ACOXL: variants seen among roughly 807,000 people sequenced by gnomAD.
The protein encoded by ACOXL is acyl-coenzyme A oxidase-like protein.
A neutral mutation model predicts 71.9 loss-of-function variants in ACOXL; 70 were observed. The ratio of observed to expected loss-of-function variants is 0.97; its 90% CI spans 0.80 to 1.19. The LOEUF (loss-of-function observed/expected upper bound fraction) is 1.19, where lower values mean the gene tolerates loss of function less well. Among genes scored for constraint, ACOXL ranks in the 50% most tolerant of loss-of-function variants. ACOXL has a pLI of 0.00. For missense variants in ACOXL, 703 were observed against 736.3 expected (o/e 0.95, Z 0.52); for synonymous variants, 253 against 281.6 (o/e 0.90, Z 1.02).
chr2:110,993,114 G>C (rs984831785), intron 13 of ACOXL, among the ~76,000 whole-genome samples: 3 of 152,130 alleles, frequency 2.0e-5, no homozygotes, highest in Non-Finnish European at 4.4e-5. Flanking sequence ...TAGCATGAGC[G>C]TCATTAACTA....
At chr2:110,851,268 A>G (rs1428594504) in intron 10 of ACOXL, among the ~76,000 whole-genome samples, 1 of 152,202 alleles carries the variant, frequency 6.6e-6, no homozygotes, top group Non-Finnish European at 1.5e-5. Context: ...AATTATGCTC[A>G]GTGAACTTGA....
At chr2:110,906,048 G>A (rs903945598) in intron 10 of ACOXL, among the ~76,000 whole-genome samples, 3 of 152,122 alleles carry the variant, frequency 2.0e-5, no homozygotes, top group African/African-American at 4.8e-5. Flanking sequence ...GGAAACTGAG[G>A]CACAACAGGT....
At chr2:111,037,400 G>A (rs1443802799) in intron 15 of ACOXL, among the ~76,000 whole-genome samples, 1 of 152,174 alleles carries the variant, frequency 6.6e-6, no homozygotes, top group African/African-American at 2.4e-5. Context: ...TTGCCCTGGG[G>A]AGAGGGGGAA....
rs779458378 is a variant in ACOXL at position 110,801,644 on chromosome 2, C to A, written c.548-8C>A. On this transcript the variant is annotated splice_polypyrimidine_tract_variant and splice_region_variant and intron_variant, in intron 7 of 17. Coordinates refer to ENST00000439055, the MANE Select transcript of ACOXL (RefSeq NM_001142807.4). Reference sequence around the variant, plus strand: ...GCTGCATCCATTTCCCCTTTCTATTCTTGCCAGGTCTGCATGGTGTGGACA... The same window carrying A: ...GCTGCATCCATTTCCCCTTTCTATTATTGCCAGGTCTGCATGGTGTGGACA... 1 of 1,613,288 alleles carries A rather than the reference C, an allele frequency of 6.2e-7. No individual in the cohort carries two copies. The highest frequency in any genetic ancestry group is 1.7e-5 in the Admixed American group (1 of 59,992).
intron 10 of ACOXL, among the ~76,000 whole-genome samples, chr2:110,875,092 G>C (rs542382712): frequency 6.6e-6 from 1 of 152,146 alleles, no homozygotes; most frequent in Non-Finnish European, 1.5e-5. Context: ...CCTCTGAGCC[G>C]GTCCCTTGTC....
chr2:110,814,898 C>T (rs1687744161), intron 9 of ACOXL, among the ~76,000 whole-genome samples: 1 of 152,000 alleles, frequency 6.6e-6, no homozygotes, highest in Admixed American at 6.6e-5. Flanking sequence ...TTTAGTTTGT[C>T]CTGGAATTTC....
At chr2:110,885,698 G>A (rs937446419) in intron 10 of ACOXL, among the ~76,000 whole-genome samples, 1 of 152,132 alleles carries the variant, frequency 6.6e-6, no homozygotes, top group Non-Finnish European at 1.5e-5. Context: ...AGTAAGTGAA[G>A]CGATGTCCTT....
At chr2:111,090,297 A>T (rs1346962050) in intron 16 of ACOXL, among the ~76,000 whole-genome samples, 1 of 152,160 alleles carries the variant, frequency 6.6e-6, no homozygotes, top group African/African-American at 2.4e-5. Context: ...GACTCTTCCA[A>T]CAGTGAGATT....
At chr2:110,791,681 T>C (rs1294270645) in intron 3 of ACOXL, among the ~76,000 whole-genome samples, 1 of 152,168 alleles carries the variant, frequency 6.6e-6, no homozygotes, top group Admixed American at 6.5e-5. Context: ...CAGATGTGAT[T>C]AGTGAAATTC....
chr2:110,782,903 C>G (rs1163207980), intron 2 of ACOXL, among the ~76,000 whole-genome samples: 3 of 152,108 alleles, frequency 2.0e-5, no homozygotes, highest in African/African-American at 7.2e-5. Flanking sequence ...GGAAGATGAA[C>G]TGGGGGCCCA....
chr2:110,977,612 G>A (rs577841389), intron 12 of ACOXL, among the ~76,000 whole-genome samples: 13 of 152,158 alleles, frequency 8.5e-5, no homozygotes, highest in Non-Finnish European at 4.4e-5. Context: ...TGACCCATAC[G>A]CAAAGCTGGC....
chr2:110,919,411 T>TG (rs966203064), intron 11 of ACOXL, among the ~76,000 whole-genome samples: 8 of 52,540 alleles, frequency 1.5e-4, no homozygotes, highest in African/African-American at 2.8e-4. Flanking sequence ...TGTTAGGGGG[T>TG]GGGGGGGCAA....
In ACOXL at chr2:110,959,889, C is replaced by A. The variant is rs117434867; in HGVS notation, c.1059+26247C>A. Among the ~76,000 whole-genome samples, 35 of 152,246 alleles carry A rather than the reference C, an allele frequency of 2.3e-4. No homozygotes were observed. In the East Asian group the frequency reaches 4.6e-3, roughly 20 times the overall value. On this transcript the variant is annotated intron_variant, in intron 12 of 17. Transcript: ENST00000439055. ...GTCAAAGTTGGGTACCACATACAGG[C>A]CAGAGTAGCACAAGGCAGGGGTTGG...
intron 10 of ACOXL, among the ~76,000 whole-genome samples, chr2:110,869,203 C>T (rs936366892): frequency 5.3e-5 from 8 of 152,136 alleles, no homozygotes; most frequent in East Asian, 1.9e-4. Flanking sequence ...TTTGTGCTCT[C>T]ACTCTCAACC....
intron 9 of ACOXL, among the ~76,000 whole-genome samples, chr2:110,822,296 C>G (rs1451950165): frequency 6.6e-6 from 1 of 152,170 alleles, no homozygotes; most frequent in African/African-American, 2.4e-5. Context: ...CGTCTCAACT[C>G]TGATCCCTTT....
intron 9 of ACOXL, among the ~76,000 whole-genome samples, chr2:110,806,328 TG>T (rs1261115475): frequency 6.6e-6 from 1 of 152,218 alleles, no homozygotes; most frequent in Non-Finnish European, 1.5e-5. Context: ...TTCCTGTGCT[TG>T]TTTTGTGGTG....
At chr2:110,872,864 C>T (rs1180698426) in intron 10 of ACOXL, among the ~76,000 whole-genome samples, 2 of 152,192 alleles carry the variant, frequency 1.3e-5, no homozygotes, top group African/African-American at 4.8e-5. Flanking sequence ...TCCTGAAGGG[C>T]TTGTTCCTGG....
At chr2:111,039,473 T>TA in intron 15 of ACOXL, among the ~76,000 whole-genome samples, 1 of 152,294 alleles carries the variant, frequency 6.6e-6, no homozygotes, top group South Asian at 2.1e-4. Flanking sequence ...GATATCTACT[T>TA]AAAGTGGCAC....
chr2:110,870,250 A>G (rs570986784), intron 10 of ACOXL, among the ~76,000 whole-genome samples: 15 of 152,296 alleles, frequency 9.8e-5, no homozygotes, highest in African/African-American at 3.6e-4. Context: ...ATCTTTGTGG[A>G]AGACTCTTTA....
Sources: allele counts gnomAD v4.1 joint callset (sites outside exome capture counted in the v4.1 genomes callset), GRCh38; gene constraint gnomAD v4.1.1; transcripts MANE v1.5; gene names NCBI Gene and HGNC (gene_info 2026-07-23, HGNC 2026-07-21).